Variants in KCNIP4 observed in about 807,000 individuals in gnomAD.
KCNIP4 encodes the protein Kv channel-interacting protein 4.
KCNIP4 carries 12 observed loss-of-function variants against 34.0 expected under a neutral mutation model. The observed-to-expected ratio is 0.35, with a 90% CI of 0.23 to 0.57. The LOEUF is 0.57. Ranked by LOEUF, KCNIP4 falls within the 20% of genes least tolerant of loss-of-function variation. KCNIP4 has a pLI of 0.83. For missense variants in KCNIP4, 238 were observed against 311.7 expected, an observed-to-expected ratio of 0.76 and a Z score of 1.78; for synonymous variants, 124 against 102.2, an observed-to-expected ratio of 1.21 and a Z score of -1.29.
At chr4:21,212,458 G>A (rs894794506) in intron 1 of KCNIP4, among the ~76,000 whole-genome samples, 1 of 152,164 alleles carries the variant, frequency 6.6e-6, no homozygotes, top group Admixed American at 6.6e-5. Flanking sequence ...TACAGTGTAA[G>A]TTATTCATTA....
chr4:21,914,674 C>A (rs1259736970), intron 1 of KCNIP4, among the ~76,000 whole-genome samples: 1 of 152,184 alleles, frequency 6.6e-6, no homozygotes, highest in Non-Finnish European at 1.5e-5. Context: ...TCCTCTCTTG[C>A]AAATCATCTT....
rs545227812 is a variant in KCNIP4, at chr4:21,422,888, A to G, written c.61+525683T>C. 9.1e-4 allele frequency among the ~76,000 whole-genome samples: 138 copies of G among 152,342 alleles called. 1 individual carries two copies. Among genetic ancestry groups the G allele is most frequent in the Non-Finnish European group, 1.9e-4 (13 of 68,030 alleles). On this transcript the variant is annotated intron_variant, in intron 1 of 8. Transcript: ENST00000382152. ...CAGAGTCCCAAGAAATGTTGTGACCACTGGTTGACCAGAAGATACTACGAG... is the reference window on the plus strand; with the variant it reads ...CAGAGTCCCAAGAAATGTTGTGACCGCTGGTTGACCAGAAGATACTACGAG...
At chr4:21,269,852 AT>A (rs1256651933) in intron 1 of KCNIP4, among the ~76,000 whole-genome samples, 1 of 152,168 alleles carries the variant, frequency 6.6e-6, no homozygotes, top group Non-Finnish European at 1.5e-5. Context: ...CAGAGCTCAA[AT>A]TGGGCAGGCA....
chr4:21,742,850 C>T (rs745407564), intron 1 of KCNIP4, among the ~76,000 whole-genome samples: 8 of 152,008 alleles, frequency 5.3e-5, no homozygotes, highest in African/African-American at 9.7e-5. Flanking sequence ...AGAGCATACA[C>T]ATACACCTAC....
At chr4:20,802,329 G>A (rs987932104) in intron 3 of KCNIP4, among the ~76,000 whole-genome samples, 3 of 149,362 alleles carry the variant, frequency 2.0e-5, no homozygotes, top group Non-Finnish European at 3.0e-5. Flanking sequence ...ACACACACAC[G>A]TCTCCAACAT....
chr4:20,966,977 C>T (rs997246044), intron 1 of KCNIP4, among the ~76,000 whole-genome samples: 1 of 152,128 alleles, frequency 6.6e-6, no homozygotes, highest in South Asian at 2.1e-4. Flanking sequence ...GTGATTTGCA[C>T]AGGACCACAG....
chr4:21,341,925 A>G (rs1354528552), intron 1 of KCNIP4, among the ~76,000 whole-genome samples: 1 of 152,144 alleles, frequency 6.6e-6, no homozygotes, highest in Non-Finnish European at 1.5e-5. Flanking sequence ...AACATTGTGC[A>G]GAATGCGAGA....
intron 1 of KCNIP4, among the ~76,000 whole-genome samples, chr4:21,797,108 G>C (rs1720675852): frequency 6.6e-6 from 1 of 152,208 alleles, no homozygotes; most frequent in East Asian, 1.9e-4. Flanking sequence ...CACAATTATA[G>C]ATACCGTCCC....
chr4:20,749,851 GCTTT>G (rs2149338440), intron 4 of KCNIP4, 119 bp from the exon 5 acceptor site: 1 of 601,198 alleles, frequency 1.7e-6, no homozygotes, highest in African/African-American at 1.8e-5. Context: ...TTTAGTTTGT[GCTTT>G]CTTCACAACT....
intron 1 of KCNIP4, among the ~76,000 whole-genome samples, chr4:21,357,136 C>A (rs1194976568): frequency 6.6e-6 from 1 of 152,124 alleles, no homozygotes; most frequent in Non-Finnish European, 1.5e-5. Context: ...AAACTGGATC[C>A]CTTCCTTACA....
intron 1 of KCNIP4, among the ~76,000 whole-genome samples, chr4:21,732,185 C>A (rs1715656997): frequency 6.6e-6 from 1 of 151,856 alleles, no homozygotes. Flanking sequence ...GGAAAATCTA[C>A]TAGTAAAAAT....
At chr4:21,450,931 T>C (rs548950150) in intron 1 of KCNIP4, among the ~76,000 whole-genome samples, 1 of 152,256 alleles carries the variant, frequency 6.6e-6, no homozygotes, top group South Asian at 2.1e-4. Flanking sequence ...TCACAAATAA[T>C]TTGGGATTTG....
intron 3 of KCNIP4, among the ~76,000 whole-genome samples, chr4:20,826,160 C>T (rs1051310501): frequency 5.3e-5 from 8 of 152,112 alleles, no homozygotes; most frequent in Admixed American, 3.3e-4. Flanking sequence ...AATGGCAATA[C>T]TACTGTAGAG....
At chr4:20,750,642 CTG>C (rs1364631379) in intron 4 of KCNIP4, among the ~76,000 whole-genome samples, 10 of 152,084 alleles carry the variant, frequency 6.6e-5, no homozygotes, top group African/African-American at 2.4e-4. Flanking sequence ...ATTTAAAAGT[CTG>C]TATTTTTTCC....
intron 1 of KCNIP4, among the ~76,000 whole-genome samples, chr4:21,910,007 C>T (rs1211566942): frequency 6.6e-6 from 1 of 151,980 alleles, no homozygotes; most frequent in Non-Finnish European, 1.5e-5. Context: ...AGGGACACAG[C>T]CAAACCATAT....
intron 1 of KCNIP4, among the ~76,000 whole-genome samples, chr4:21,011,711 G>A (rs1056302684): frequency 1.3e-5 from 2 of 152,086 alleles, no homozygotes; most frequent in Admixed American, 1.3e-4. Flanking sequence ...TTTGATATTA[G>A]CCAGATAGAC....
At chr4:21,332,735 G>T (rs549313576) in intron 1 of KCNIP4, among the ~76,000 whole-genome samples, 4 of 151,926 alleles carry the variant, frequency 2.6e-5, no homozygotes, top group African/African-American at 9.6e-5. Flanking sequence ...CCTGTGTTTA[G>T]TACTGAAACA....
intron 1 of KCNIP4, among the ~76,000 whole-genome samples, chr4:21,401,331 T>C (rs781058099): frequency 2.0e-5 from 3 of 152,200 alleles, no homozygotes; most frequent in South Asian, 4.1e-4. Context: ...AGGAAAAACA[T>C]GGACTTTCTC....
intron 1 of KCNIP4, among the ~76,000 whole-genome samples, chr4:21,840,644 T>C (rs955421364): frequency 6.6e-6 from 1 of 152,196 alleles, no homozygotes; most frequent in African/African-American, 2.4e-5. Context: ...AGAGTTTTTC[T>C]TTCCCAAGCC....
Sources: allele counts gnomAD v4.1 joint callset (sites outside exome capture counted in the v4.1 genomes callset), GRCh38; gene constraint gnomAD v4.1.1; transcripts MANE v1.5; gene names NCBI Gene and HGNC (gene_info 2026-07-23, HGNC 2026-07-21).